The following FSTL1 variants were observed in gnomAD, a reference collection of about 807,000 sequenced individuals.
The protein encoded by FSTL1 is follistatin-related protein 1.
Under a neutral mutation model 45.9 loss-of-function variants are expected in FSTL1, and 24 were observed. The ratio of observed to expected loss-of-function variants is 0.52; its 90% CI spans 0.38 to 0.74. FSTL1 has a LOEUF of 0.74. FSTL1 is among the 30% of genes least tolerant of loss of function. The probability of loss-of-function intolerance (pLI) is 0.00; values close to 1 mark genes in which losing one functional copy is unlikely to be tolerated. For synonymous variants in FSTL1, 120 were observed against 137.6 expected (o/e 0.87, Z 0.89); for missense variants, 340 against 381.8 (o/e 0.89, Z 0.91).
intron 1 of FSTL1, 54 bp downstream of exon 1, chr3:120,450,843 G>A (rs1937882642): frequency 1.2e-6 from 1 of 822,206 alleles, no homozygotes. Flanking sequence ...GGCCGCCCAA[G>A]CACCCCCGGC....
chr3:120,428,302 C>T (rs1346651045), intron 2 of FSTL1, among the ~76,000 whole-genome samples: 2 of 152,214 alleles, frequency 1.3e-5, no homozygotes, highest in Non-Finnish European at 1.5e-5. Flanking sequence ...TTAGTAAGAA[C>T]TGTGATGCCC....
intron 10 of FSTL1, among the ~76,000 whole-genome samples, chr3:120,398,619 C>G (rs1032176267): frequency 6.6e-6 from 1 of 152,188 alleles, no homozygotes; most frequent in East Asian, 1.9e-4. Context: ...AATACACACT[C>G]TTCATTACTT....
intron 2 of FSTL1, among the ~76,000 whole-genome samples, chr3:120,435,417 A>G (rs746244309): frequency 1.3e-4 from 20 of 152,154 alleles, no homozygotes; most frequent in Non-Finnish European, 2.6e-4. Context: ...AGTCTTCCTC[A>G]TCACTATTTT....
chr3:120,446,504 C>G (rs1937744749), intron 2 of FSTL1, among the ~76,000 whole-genome samples: 1 of 152,214 alleles, frequency 6.6e-6, no homozygotes. Flanking sequence ...TGCACAGCCC[C>G]TGCTATGTTT....
intron 2 of FSTL1, chr3:120,438,114 T>A (rs958014258): frequency 6.6e-6 from 1 of 152,210 alleles, no homozygotes; most frequent in Non-Finnish European, 1.5e-5. Flanking sequence ...TTCAGACAAC[T>A]ATTTCTGTAA....
chr3:120,443,999 T>C (rs1259760050), intron 2 of FSTL1, among the ~76,000 whole-genome samples: 1 of 150,038 alleles, frequency 6.7e-6, no homozygotes, highest in Non-Finnish European at 1.5e-5. Flanking sequence ...AGCAACTGTT[T>C]ACTTCATCAG....
intron 2 of FSTL1, among the ~76,000 whole-genome samples, chr3:120,440,851 G>A (rs574170933): frequency 6.6e-6 from 1 of 152,304 alleles, no homozygotes; most frequent in African/African-American, 2.4e-5. Flanking sequence ...GGTGAGAGAA[G>A]GAAAATAGAG....
intron 2 of FSTL1, chr3:120,424,124 G>A (rs79951968): frequency 0.044 from 6,697 of 152,308 alleles, 361 homozygotes; most frequent in Admixed American, 0.16. Context: ...TGAGCATGGC[G>A]CAAGCTCCGT....
chr3:120,447,596 A>G (rs1327004453), intron 2 of FSTL1, among the ~76,000 whole-genome samples: 2 of 152,176 alleles, frequency 1.3e-5, no homozygotes, highest in East Asian at 3.9e-4. Context: ...GGTGCCAAGG[A>G]AGTAGGACAC....
intron 2 of FSTL1, among the ~76,000 whole-genome samples, chr3:120,432,301 A>G (rs1472329984): frequency 6.6e-6 from 1 of 152,140 alleles, no homozygotes; most frequent in African/African-American, 2.4e-5. Context: ...TTCTTGAGAC[A>G]TTCCTGCCTT....
rs1936680853 is a variant in FSTL1, at chr3:120,395,590, G to A, written c.*1362C>T. On this transcript the variant is annotated 3_prime_UTR_variant, in exon 11 of 11. Coordinates refer to ENST00000295633, the MANE Select transcript of FSTL1 (RefSeq NM_007085.5). ...AGGACTCCATATCATAGCACGACCTGTAGGGTCATCAGGCTGAGATCAAAT... is the reference window on the plus strand; with the variant it reads ...AGGACTCCATATCATAGCACGACCTATAGGGTCATCAGGCTGAGATCAAAT... The A allele has an allele frequency of 2.0e-6, 1 of 506,472 alleles. No homozygotes were observed. Among genetic ancestry groups the A allele is most frequent in the South Asian group, 1.5e-5 (1 of 68,258 alleles). The allele number at this position is 506,472 out of a possible 1,614,324, so 31.4% of individuals were successfully genotyped here.
chr3:120,443,641 C>T (rs1937674247), intron 2 of FSTL1, among the ~76,000 whole-genome samples: 1 of 149,790 alleles, frequency 6.7e-6, no homozygotes, highest in African/African-American at 2.6e-5. Context: ...CATGCATGCA[C>T]ATATAAATCT....
intron 7 of FSTL1, 82 bp downstream of exon 7, chr3:120,404,771 T>G: frequency 1.3e-6 from 1 of 777,126 alleles, no homozygotes; most frequent in Non-Finnish European, 2.3e-6. Context: ...GTGGCTCTTT[T>G]GCAGGTGGGA....
chr3:120,423,754 C>A (rs1470753803), intron 2 of FSTL1: 1 of 152,206 alleles, frequency 6.6e-6, no homozygotes, highest in Non-Finnish European at 1.5e-5. Flanking sequence ...ATGAAAGCAA[C>A]ACTCCTCAGA....
At chr3:120,399,481 G>A (rs1185886217) in intron 10 of FSTL1, among the ~76,000 whole-genome samples, 5 of 152,134 alleles carry the variant, frequency 3.3e-5, no homozygotes, top group Non-Finnish European at 5.9e-5. Context: ...CTGTGAGACT[G>A]CAAGGGTACA....
At chr3:120,418,265 C>G (rs994073269) in intron 2 of FSTL1, among the ~76,000 whole-genome samples, 11 of 152,196 alleles carry the variant, frequency 7.2e-5, no homozygotes, top group Non-Finnish European at 1.2e-4. Flanking sequence ...ATTATTAACC[C>G]TATTCCATAG....
chr3:120,445,171 T>C (rs1937710813), intron 2 of FSTL1, among the ~76,000 whole-genome samples: 1 of 149,962 alleles, frequency 6.7e-6, no homozygotes, highest in Admixed American at 6.6e-5. Context: ...ATCTAAAGTT[T>C]ACTAAAATGG....
At chr3:120,412,194 C>G (rs1231070950) in intron 3 of FSTL1, among the ~76,000 whole-genome samples, 1 of 152,202 alleles carries the variant, frequency 6.6e-6, no homozygotes, top group Non-Finnish European at 1.5e-5. Flanking sequence ...TCATGCCTAT[C>G]CTGGTCCAGG....
intron 10 of FSTL1, among the ~76,000 whole-genome samples, chr3:120,397,843 T>C (rs148686088): frequency 2.0e-5 from 3 of 152,268 alleles, no homozygotes; most frequent in African/African-American, 4.8e-5. Context: ...AGCCCCCAAA[T>C]TGAAACAACC....
Sources: allele counts gnomAD v4.1 joint callset (sites outside exome capture counted in the v4.1 genomes callset), GRCh38; gene constraint gnomAD v4.1.1; transcripts MANE v1.5; gene names NCBI Gene and HGNC (gene_info 2026-07-23, HGNC 2026-07-21).